SMYD3: variants seen among roughly 807,000 people sequenced by gnomAD.
The protein encoded by SMYD3 is SET and MYND domain containing 3, also known as histone-lysine N-methyltransferase SMYD3.
In SMYD3, 36 loss-of-function variants were observed where a neutral mutation model predicts 57.7. The ratio of observed to expected loss-of-function variants is 0.62; its 90% CI spans 0.48 to 0.82. The LOEUF (loss-of-function observed/expected upper bound fraction) is 0.82, where lower values mean the gene tolerates loss of function less well. Among genes scored for constraint, SMYD3 ranks in the 40% least tolerant of loss-of-function variants. The probability of loss-of-function intolerance (pLI) is 0.00; values close to 1 mark genes in which losing one functional copy is unlikely to be tolerated. For missense variants in SMYD3, 515 were observed against 538.8 expected, an observed-to-expected ratio of 0.96 and a Z score of 0.44; for synonymous variants, 211 against 195.0, an observed-to-expected ratio of 1.08 and a Z score of -0.68.
intron 5 of SMYD3, among the ~76,000 whole-genome samples, chr1:246,142,645 A>G (rs1314027627): frequency 6.6e-6 from 1 of 152,212 alleles, no homozygotes; most frequent in African/African-American, 2.4e-5. Context: ...GCTTCTCAGA[A>G]CAGTGCACGA....
At chr1:246,008,613 G>A (rs1029469973) in intron 5 of SMYD3, among the ~76,000 whole-genome samples, 6 of 152,162 alleles carry the variant, frequency 3.9e-5, no homozygotes, top group South Asian at 2.1e-4. Context: ...GGGAGTAGCC[G>A]TACCTCTGAA....
intron 5 of SMYD3, among the ~76,000 whole-genome samples, chr1:246,190,137 T>C (rs1377766762): frequency 6.6e-6 from 1 of 152,208 alleles, no homozygotes; most frequent in Non-Finnish European, 1.5e-5. Flanking sequence ...CCCAAGTTTA[T>C]CACTTACTAA....
intron 8 of SMYD3, among the ~76,000 whole-genome samples, chr1:245,907,315 A>T (rs2054636207): frequency 6.6e-6 from 1 of 152,208 alleles, no homozygotes; most frequent in Non-Finnish European, 1.5e-5. Context: ...GTATCAAAAC[A>T]TCTCATGTAC....
chr1:246,235,535 T>C (rs1467170088), intron 5 of SMYD3, among the ~76,000 whole-genome samples: 1 of 150,838 alleles, frequency 6.6e-6, no homozygotes, highest in African/African-American at 2.4e-5. Flanking sequence ...GATGTCTAGA[T>C]AGACAGGTAG....
At chr1:246,016,389 C>T (rs1439690652) in intron 5 of SMYD3, among the ~76,000 whole-genome samples, 1 of 151,982 alleles carries the variant, frequency 6.6e-6, no homozygotes, top group Non-Finnish European at 1.5e-5. Flanking sequence ...TCAGGACCAG[C>T]TTGGTCAACG....
chr1:246,143,014 A>G (rs2061782913), intron 5 of SMYD3, among the ~76,000 whole-genome samples: 1 of 152,184 alleles, frequency 6.6e-6, no homozygotes, highest in Non-Finnish European at 1.5e-5. Flanking sequence ...GAATGGTAAG[A>G]AATAATTGCC....
chr1:246,204,746 T>A (rs7538413), intron 5 of SMYD3, among the ~76,000 whole-genome samples: 1 of 152,140 alleles, frequency 6.6e-6, no homozygotes, highest in East Asian at 1.9e-4. Context: ...GGTCCATTTA[T>A]CTGCATGCTT....
At chr1:245,755,676 T>G (rs1022555032) in intron 11 of SMYD3, among the ~76,000 whole-genome samples, 1 of 152,166 alleles carries the variant, frequency 6.6e-6, no homozygotes, top group Non-Finnish European at 1.5e-5. Context: ...TGCTCTGAAG[T>G]CTACTTTACT....
intron 5 of SMYD3, among the ~76,000 whole-genome samples, chr1:246,162,373 A>G (rs1301793477): frequency 3.3e-5 from 5 of 152,206 alleles, no homozygotes; most frequent in African/African-American, 1.2e-4. Flanking sequence ...CTCAGAGACA[A>G]CCTAAGTTGA....
intron 8 of SMYD3, among the ~76,000 whole-genome samples, chr1:245,900,182 T>C (rs575928397): frequency 3.7e-4 from 56 of 152,262 alleles, no homozygotes; most frequent in African/African-American, 1.3e-3. Context: ...GTGGGTATGG[T>C]AGACATTATG....
At chr1:246,186,696 T>C (rs2062647243) in intron 5 of SMYD3, 3 of 956,600 alleles carry the variant, frequency 3.1e-6, no homozygotes, top group Non-Finnish European at 3.7e-6. Context: ...TCTGGCACTG[T>C]CAATGTCCAC....
chr1:246,195,409 G>C (rs1429097085), intron 5 of SMYD3, among the ~76,000 whole-genome samples: 1 of 152,096 alleles, frequency 6.6e-6, no homozygotes, highest in Non-Finnish European at 1.5e-5. Context: ...GGGCCTCTGT[G>C]ACAATAGGTA....
chr1:245,811,953 T>G (rs913069276), intron 10 of SMYD3, among the ~76,000 whole-genome samples: 1 of 152,226 alleles, frequency 6.6e-6, no homozygotes, highest in Non-Finnish European at 1.5e-5. Flanking sequence ...AAGCCCGTTC[T>G]TCCTACTGCA....
At chr1:246,286,670 T>C (rs2064572122) in intron 5 of SMYD3, among the ~76,000 whole-genome samples, 1 of 152,172 alleles carries the variant, frequency 6.6e-6, no homozygotes, top group Non-Finnish European at 1.5e-5. Context: ...TATATCCACC[T>C]AGTATAGGGC....
In SMYD3 at chr1:246,003,375, T is replaced by C. The variant is rs566297683; in HGVS notation, c.532-73438A>G. Among the ~76,000 whole-genome samples, 7 of 152,322 alleles carry C rather than the reference T, an allele frequency of 4.6e-5. No individual in the cohort carries two copies. In the East Asian group the frequency reaches 5.8e-4, roughly 13 times the overall value. On this transcript the variant is annotated intron_variant, in intron 5 of 11. Coordinates refer to ENST00000490107, the MANE Select transcript of SMYD3 (RefSeq NM_001167740.2). The stretch of plus-strand genomic sequence containing the variant: ...TTATCATGACCTAATCAAACTCTTT[T>C]AGGACTAATTCCGTCTTGCAACAAT...
At position 246,157,654 on chromosome 1, in the gene SMYD3, C is replaced by G. The variant is rs556082755; in HGVS notation, c.531+169547G>C. On this transcript the variant is annotated intron_variant, in intron 5 of 11. Coordinates refer to ENST00000490107, the MANE Select transcript of SMYD3 (RefSeq NM_001167740.2). ...ACAACAATAAGCTTTGTCTTTTTTCCCCCCCATAGGTCAGCTTCCTTCTTT... is the reference window on the plus strand; with the variant it reads ...ACAACAATAAGCTTTGTCTTTTTTCGCCCCCATAGGTCAGCTTCCTTCTTT... 5.7e-4 allele frequency among the ~76,000 whole-genome samples: 87 copies of G among 152,138 alleles called. 4 individuals carry two copies. The South Asian group carries it at 0.017, about 30-fold the overall frequency.
chr1:246,502,470 A>C (rs1251237172), intron 1 of SMYD3, among the ~76,000 whole-genome samples: 1 of 152,132 alleles, frequency 6.6e-6, no homozygotes, highest in Non-Finnish European at 1.5e-5. Flanking sequence ...TGTCTCCTGA[A>C]TATGCGCCAT....
At chr1:246,126,081 C>A (rs745572286) in intron 5 of SMYD3, among the ~76,000 whole-genome samples, 9 of 152,170 alleles carry the variant, frequency 5.9e-5, no homozygotes. Context: ...AATTCCAGAG[C>A]ACTAAGAAGC....
chr1:245,944,572 A>T (rs1029923595), intron 5 of SMYD3, among the ~76,000 whole-genome samples: 4 of 152,238 alleles, frequency 2.6e-5, no homozygotes, highest in Non-Finnish European at 5.9e-5. Context: ...TGCCCAAAGT[A>T]ATTTATAGAT....
Sources: allele counts gnomAD v4.1 joint callset (sites outside exome capture counted in the v4.1 genomes callset), GRCh38; gene constraint gnomAD v4.1.1; transcripts MANE v1.5; gene names NCBI Gene and HGNC (gene_info 2026-07-23, HGNC 2026-07-21).